PCDH9: variants seen among roughly 807,000 people sequenced by gnomAD.
PCDH9 encodes the protein protocadherin-9.
In PCDH9, 24 loss-of-function variants were observed where a neutral mutation model predicts 70.6. The observed-to-expected ratio is 0.34, with a 90% confidence interval of 0.25 to 0.48. The LOEUF (loss-of-function observed/expected upper bound fraction) is 0.48, where lower values mean the gene tolerates loss of function less well. PCDH9 is among the 20% of genes least tolerant of loss of function. The pLI is 0.99. For missense variants in PCDH9, 1,281 were observed against 1,503.6 expected, an observed-to-expected ratio of 0.85 and a Z score of 2.45; for synonymous variants, 562 against 558.5, an observed-to-expected ratio of 1.01 and a Z score of -0.09.
At chr13:66,665,763 T>G (rs1186439998) in intron 3 of PCDH9, among the ~76,000 whole-genome samples, 2 of 151,826 alleles carry the variant, frequency 1.3e-5, no homozygotes, top group African/African-American at 2.4e-5. Flanking sequence ...AATTATTGAG[T>G]TTTTTTTAGA....
chr13:66,869,586 T>C (rs17081957), intron 3 of PCDH9, among the ~76,000 whole-genome samples: 1,642 of 152,300 alleles, frequency 0.011, 28 homozygotes, highest in African/African-American at 0.037. Context: ...TCTAACATAA[T>C]TATTTTGAAC....
chr13:67,051,276 AT>A (rs1409096079), intron 2 of PCDH9, among the ~76,000 whole-genome samples: 4 of 152,036 alleles, frequency 2.6e-5, no homozygotes, highest in Non-Finnish European at 5.9e-5. Context: ...CTAGTTTGAA[AT>A]TAGCGTTGAT....
intron 2 of PCDH9, among the ~76,000 whole-genome samples, chr13:67,154,591 A>T (rs1280852763): frequency 0.015 from 1,363 of 88,776 alleles, 39 homozygotes; most frequent in African/African-American, 0.023. Flanking sequence ...AAAAAAAAAA[A>T]AAAAATATAT....
chr13:66,470,102 G>A (rs1958588970), intron 4 of PCDH9, among the ~76,000 whole-genome samples: 1 of 152,098 alleles, frequency 6.6e-6, no homozygotes, highest in African/African-American at 2.4e-5. Context: ...TTCTTGGTAA[G>A]TGCTAAGGAA....
chr13:67,214,221 A>T (rs2089537440), intron 2 of PCDH9: 1 of 152,268 alleles, frequency 6.6e-6, no homozygotes, highest in Non-Finnish European at 1.5e-5. Context: ...TAAGAAAAAT[A>T]GTAAAAGCTG....
At chr13:66,709,185 C>G (rs2078759182) in intron 3 of PCDH9, among the ~76,000 whole-genome samples, 1 of 152,130 alleles carries the variant, frequency 6.6e-6, no homozygotes, top group Non-Finnish European at 1.5e-5. Flanking sequence ...ATTTCCTACA[C>G]TGCTATTATT....
intron 2 of PCDH9, among the ~76,000 whole-genome samples, chr13:66,986,841 A>G (rs1371868984): frequency 6.6e-6 from 1 of 151,992 alleles, no homozygotes; most frequent in Non-Finnish European, 1.5e-5. Flanking sequence ...ATGAAAACAA[A>G]CATACAACTG....
intron 3 of PCDH9, among the ~76,000 whole-genome samples, chr13:66,890,399 A>G (rs939505888): frequency 4.0e-5 from 6 of 150,582 alleles, no homozygotes; most frequent in Non-Finnish European, 7.4e-5. Flanking sequence ...CCTTCTGCTT[A>G]GCTTGACTAA....
intron 4 of PCDH9, among the ~76,000 whole-genome samples, chr13:66,363,805 A>G (rs1348001627): frequency 6.6e-6 from 1 of 151,430 alleles, no homozygotes; most frequent in Admixed American, 6.6e-5. Context: ...ATACTACATG[A>G]ACACACATTG....
At position 66,869,551 on chromosome 13, in the gene PCDH9, T is replaced by G. The variant is rs189266671; in HGVS notation, c.3138+33953A>C. On this transcript the variant is annotated intron_variant, in intron 3 of 4. Coordinates refer to ENST00000377865, the MANE Select transcript of PCDH9 (RefSeq NM_203487.3). ...TTTCTAAATTGTATTGTTTCCCATC[T>G]TTCTTTTTTGCCCATATGCTGTTCT... is the stretch of plus-strand genomic sequence containing the variant. 4.2e-3 allele frequency among the ~76,000 whole-genome samples: 641 copies of G among 152,298 alleles called. 1 individual carries two copies. Among genetic ancestry groups the G allele is most frequent in the Middle Eastern group, 6.8e-3 (2 of 294 alleles).
At chr13:66,454,730 A>G (rs1180285801) in intron 4 of PCDH9, among the ~76,000 whole-genome samples, 1 of 152,158 alleles carries the variant, frequency 6.6e-6, no homozygotes, top group East Asian at 1.9e-4. Flanking sequence ...TTTTCTAGAA[A>G]ATGTAGGGAA....
intron 2 of PCDH9, among the ~76,000 whole-genome samples, chr13:66,938,897 T>A (rs1240994894): frequency 6.6e-6 from 1 of 152,200 alleles, no homozygotes; most frequent in East Asian, 1.9e-4. Context: ...ATTATTGTAA[T>A]AGAATTATAA....
At chr13:67,175,446 T>C (rs780525555) in intron 2 of PCDH9, among the ~76,000 whole-genome samples, 121 of 152,288 alleles carry the variant, frequency 7.9e-4, no homozygotes, top group Non-Finnish European at 1.4e-3. Flanking sequence ...AAGCAGGGCC[T>C]GGAACAAACA....
rs1333217702 is a variant in PCDH9 at position 66,887,070 on chromosome 13, CA to C, written c.3138+16433del. Among the ~76,000 whole-genome samples the C allele has an allele frequency of 1.2e-3, 168 of 136,840 alleles. 1 individual carries two copies. The highest frequency in any genetic ancestry group is 7.8e-3 in the South Asian group (32 of 4,118). The allele number at this position is 136,840 out of a possible 152,430, so 89.8% of individuals were successfully genotyped here. A position where few individuals can be genotyped will look rare whatever the true frequency, so the allele number is the denominator to read the frequency against. ...ACACACACACACACACACACACACA[CA>C]CACACACCCTGTATTTCTAGACAAT... On this transcript the variant is annotated intron_variant, in intron 3 of 4. Transcript: ENST00000377865.
chr13:66,437,404 C>CAAAGAAAA (rs758826196), intron 4 of PCDH9, among the ~76,000 whole-genome samples: 6 of 45,588 alleles, frequency 1.3e-4, no homozygotes, highest in African/African-American at 4.1e-4. Flanking sequence ...GACTCTGTCT[C>CAAAGAAAA]AAAAAAAAAA....
chr13:67,199,932 G>A (rs2089168581), intron 2 of PCDH9, among the ~76,000 whole-genome samples: 1 of 151,984 alleles, frequency 6.6e-6, no homozygotes, highest in African/African-American at 2.4e-5. Context: ...ATGGACCTGA[G>A]TAAATTCCTT....
intron 4 of PCDH9, among the ~76,000 whole-genome samples, chr13:66,576,794 G>T (rs2076821865): frequency 6.6e-6 from 1 of 151,996 alleles, no homozygotes; most frequent in Non-Finnish European, 1.5e-5. Flanking sequence ...AAAACTAGAT[G>T]CAATACATTG....
intron 2 of PCDH9, among the ~76,000 whole-genome samples, chr13:67,098,138 G>A (rs1210347970): frequency 6.6e-6 from 1 of 152,080 alleles, no homozygotes; most frequent in East Asian, 1.9e-4. Flanking sequence ...CAAACAAGCA[G>A]CGGGAACAAC....
chr13:67,180,653 C>G (rs61959433), intron 2 of PCDH9, among the ~76,000 whole-genome samples: 1 of 152,088 alleles, frequency 6.6e-6, no homozygotes, highest in African/African-American at 2.4e-5. Flanking sequence ...TCTTCACGAG[C>G]GGAGCCAACT....
Sources: gnomAD v4.1 joint callset for allele counts (sites outside exome capture counted in the v4.1 genomes callset) on GRCh38, gnomAD v4.1.1 for gene constraint, MANE v1.5 for transcripts, NCBI Gene and HGNC (gene_info 2026-07-23, HGNC 2026-07-21) for gene names.